FNDC3B: variants seen among roughly 807,000 people sequenced by gnomAD.
The protein encoded by FNDC3B is fibronectin type III domain containing 3B.
A neutral mutation model predicts 151.5 loss-of-function variants in FNDC3B; 12 were observed. That is an observed-to-expected ratio of 0.08 (90% CI 0.05 to 0.13). The LOEUF (loss-of-function observed/expected upper bound fraction) is 0.13. Among genes scored for constraint, FNDC3B ranks in the 10% least tolerant of loss-of-function variants. The probability of loss-of-function intolerance (pLI) is 1.00; values close to 1 mark genes in which losing one functional copy is unlikely to be tolerated. For synonymous variants in FNDC3B, 528 were observed against 549.0 expected (o/e 0.96, Z 0.54); for missense variants, 1,214 against 1,505.3 (o/e 0.81, Z 3.20).
chr3:172,290,589 A>G (rs1235877821), intron 7 of FNDC3B, among the ~76,000 whole-genome samples: 2 of 152,138 alleles, frequency 1.3e-5, no homozygotes, highest in African/African-American at 2.4e-5. Context: ...GTGGTTCTGC[A>G]TTGTTTCCAT....
intron 4 of FNDC3B, among the ~76,000 whole-genome samples, chr3:172,232,806 T>C (rs1296320993): frequency 6.6e-6 from 1 of 152,270 alleles, no homozygotes; most frequent in Admixed American, 6.5e-5. Context: ...CCATCTTGGC[T>C]ACTTTCTGTG....
intron 3 of FNDC3B, among the ~76,000 whole-genome samples, chr3:172,168,717 T>C (rs978544771): frequency 1.9e-4 from 24 of 125,764 alleles, no homozygotes; most frequent in Non-Finnish European, 3.7e-4. Flanking sequence ...CTTTTTCTTT[T>C]ACTTTTTTTT....
At chr3:172,233,151 T>C (rs1006806476) in intron 4 of FNDC3B, among the ~76,000 whole-genome samples, 1 of 152,222 alleles carries the variant, frequency 6.6e-6, no homozygotes. Context: ...CCGTAGTAAT[T>C]TATGATACAT....
chr3:172,073,280 A>C (rs757192111), intron 1 of FNDC3B, among the ~76,000 whole-genome samples: 3 of 152,212 alleles, frequency 2.0e-5, no homozygotes, highest in Non-Finnish European at 4.4e-5. Flanking sequence ...TTGGGAATGA[A>C]CATGGTGGTT....
intron 6 of FNDC3B, among the ~76,000 whole-genome samples, chr3:172,253,233 G>T (rs1289317074): frequency 2.0e-5 from 3 of 152,190 alleles, no homozygotes; most frequent in African/African-American, 7.2e-5. Flanking sequence ...GCATTAAGGA[G>T]CCGAAAGATG....
chr3:172,168,893 G>T (rs1723149000), intron 3 of FNDC3B, among the ~76,000 whole-genome samples: 1 of 150,524 alleles, frequency 6.6e-6, no homozygotes, highest in African/African-American at 2.4e-5. Context: ...TGTTATTTTT[G>T]CTAGAGACGG....
At chr3:172,196,923 C>T (rs1184064429) in intron 3 of FNDC3B, among the ~76,000 whole-genome samples, 1 of 152,162 alleles carries the variant, frequency 6.6e-6, no homozygotes, top group Non-Finnish European at 1.5e-5. Flanking sequence ...TGGCTCACGC[C>T]TGTAATCCCA....
chr3:172,250,807 T>A (rs533413713), intron 5 of FNDC3B, among the ~76,000 whole-genome samples: 4 of 152,178 alleles, frequency 2.6e-5, no homozygotes, highest in African/African-American at 9.7e-5. Context: ...ATCATGTATA[T>A]GGCATTTTCT....
intron 6 of FNDC3B, among the ~76,000 whole-genome samples, chr3:172,257,036 A>G (rs1262840306): frequency 1.3e-5 from 2 of 152,044 alleles, no homozygotes; most frequent in South Asian, 2.1e-4. Context: ...GTTATAAGCA[A>G]TTCTCCTGGG....
chr3:172,047,842 G>A (rs959301249), intron 1 of FNDC3B, among the ~76,000 whole-genome samples: 2 of 152,060 alleles, frequency 1.3e-5, no homozygotes, highest in African/African-American at 4.8e-5. Context: ...TTTGCTACTT[G>A]TTAACTTCTT....
intron 1 of FNDC3B, among the ~76,000 whole-genome samples, chr3:172,067,556 T>C (rs968823888): frequency 7.9e-5 from 12 of 152,248 alleles, no homozygotes; most frequent in Non-Finnish European, 1.2e-4. Flanking sequence ...GTTTTATGTT[T>C]CTTTAAAAAG....
chr3:172,343,684 A>G (rs1379627553), intron 18 of FNDC3B, among the ~76,000 whole-genome samples: 1 of 152,070 alleles, frequency 6.6e-6, no homozygotes, highest in Non-Finnish European at 1.5e-5. Context: ...TTTTCCTACC[A>G]CTTATGTCTA....
intron 6 of FNDC3B, among the ~76,000 whole-genome samples, chr3:172,274,435 G>T (rs940416750): frequency 6.6e-6 from 1 of 152,076 alleles, no homozygotes; most frequent in African/African-American, 2.4e-5. Flanking sequence ...AGTAGACTTG[G>T]ACCGAAAATC....
chr3:172,042,978 G>C (rs144893023), intron 1 of FNDC3B, among the ~76,000 whole-genome samples: 2 of 152,022 alleles, frequency 1.3e-5, no homozygotes, highest in Admixed American at 6.6e-5. Context: ...GCAGTGGCGC[G>C]GTCTCGGCTA....
chr3:172,259,415 C>T (rs546526834), intron 6 of FNDC3B, among the ~76,000 whole-genome samples: 11 of 152,222 alleles, frequency 7.2e-5, no homozygotes, highest in Non-Finnish European at 1.0e-4. Context: ...AGTTAGGGGC[C>T]GAGCGCACTT....
At chr3:172,220,630 AT>A (rs931175321) in intron 3 of FNDC3B, among the ~76,000 whole-genome samples, 28 of 151,798 alleles carry the variant, frequency 1.8e-4, no homozygotes, top group African/African-American at 4.8e-4. Context: ...TAAGAGTTTT[AT>A]TTTTTTTAAG....
At chr3:172,336,817 C>T (rs1489066466) in intron 15 of FNDC3B, among the ~76,000 whole-genome samples, 5 of 151,542 alleles carry the variant, frequency 3.3e-5, no homozygotes, top group South Asian at 2.1e-4. Context: ...GAAGGAGACT[C>T]GCTTGAACCC....
Position 172,397,777 on chromosome 3 carries a change from C to T in FNDC3B, c.*302C>T, listed in dbSNP as rs140278594. The T allele has an allele frequency of 1.9e-4, 35 of 182,448 alleles. No individual in the cohort carries two copies. In the East Asian group the frequency reaches 4.6e-3, roughly 24 times the overall value. The allele number at this position is 182,448 out of a possible 1,614,324, so 11.3% of individuals were successfully genotyped here. ...CAGATTTACCTTCATTCTGTTTTCA[C>T]TGATGTCTTTTGCAAGCCTTTGATT... On this transcript the variant is annotated 3_prime_UTR_variant, in exon 26 of 26. Transcript: ENST00000415807.
At chr3:172,138,633 A>G (rs1211651161) in intron 3 of FNDC3B, among the ~76,000 whole-genome samples, 1 of 152,250 alleles carries the variant, frequency 6.6e-6, no homozygotes, top group Non-Finnish European at 1.5e-5. Flanking sequence ...GGTGAGTGTG[A>G]TGGTGATAAA....
Sources: allele counts gnomAD v4.1 joint callset (sites outside exome capture counted in the v4.1 genomes callset), GRCh38; gene constraint gnomAD v4.1.1; transcripts MANE v1.5; gene names NCBI Gene and HGNC (gene_info 2026-07-23, HGNC 2026-07-21).